The following RNF216 variants were observed in gnomAD, a reference collection of about 807,000 sequenced individuals.
The protein encoded by RNF216 is E3 ubiquitin-protein ligase RNF216.
RNF216 carries 72 observed loss-of-function variants against 110.8 expected under a neutral mutation model. That is an observed-to-expected ratio of 0.65 (90% CI 0.54 to 0.79). RNF216 has a LOEUF of 0.79. RNF216 is among the 30% of genes least tolerant of loss of function. RNF216 has a pLI of 0.00. For missense variants in RNF216, 1,342 were observed against 1,141.2 expected (o/e 1.18, Z -2.54); for synonymous variants, 495 against 407.5 (o/e 1.21, Z -2.59).
intron 1 of RNF216, chr7:5,780,168 GTTTT>G (rs1562489093): frequency 6.6e-6 from 1 of 152,160 alleles, no homozygotes; most frequent in African/African-American, 2.4e-5. Flanking sequence ...CATTTAGATA[GTTTT>G]TAGCATTCCT....
intron 13 of RNF216, among the ~76,000 whole-genome samples, chr7:5,691,258 G>A (rs1791321008): frequency 6.6e-6 from 1 of 152,324 alleles, no homozygotes; most frequent in South Asian, 2.1e-4. Flanking sequence ...CGCCACTCGG[G>A]CCGACGGCAG....
At position 5,726,027 on chromosome 7, in the gene RNF216, A is replaced by G. The variant is rs568195434; in HGVS notation, c.1390-589T>C. 2.6e-3 allele frequency among the ~76,000 whole-genome samples: 401 copies of G among 152,246 alleles called. 1 individual carries two copies. Among genetic ancestry groups the G allele is most frequent in the South Asian group, 9.3e-3 (45 of 4,820 alleles). On this transcript the variant is annotated intron_variant, in intron 7 of 16. Coordinates refer to ENST00000389902, the MANE Select transcript of RNF216 (RefSeq NM_207111.4). ...TGCAGTGGCTCACACCTGTAATCCTAGCACTGTGGGAGGATGACGGGGGTG... is the reference window on the plus strand; with the variant it reads ...TGCAGTGGCTCACACCTGTAATCCTGGCACTGTGGGAGGATGACGGGGGTG...
At chr7:5,657,398 T>C (rs572266748) in intron 13 of RNF216, among the ~76,000 whole-genome samples, 1 of 152,094 alleles carries the variant, frequency 6.6e-6, no homozygotes, top group South Asian at 2.1e-4. Flanking sequence ...AGAAACCCCA[T>C]CTCTACTAAA....
chr7:5,722,060 T>C (rs1285097233), intron 8 of RNF216, among the ~76,000 whole-genome samples: 1 of 152,164 alleles, frequency 6.6e-6, no homozygotes, highest in South Asian at 2.1e-4. Flanking sequence ...GAGCTGGGAC[T>C]ATACAGGCAG....
At chr7:5,655,193 T>C (rs1316765793) in intron 13 of RNF216, among the ~76,000 whole-genome samples, 1 of 152,190 alleles carries the variant, frequency 6.6e-6, no homozygotes, top group East Asian at 1.9e-4. Context: ...GCCAGGTGCA[T>C]GTGAGGGCCA....
At chr7:5,709,241 A>G (rs573790170) in intron 13 of RNF216, among the ~76,000 whole-genome samples, 5 of 152,276 alleles carry the variant, frequency 3.3e-5, no homozygotes, top group Middle Eastern at 3.4e-3. Context: ...CAGCCTCCTG[A>G]AAGGTCTGAA....
intron 13 of RNF216, among the ~76,000 whole-genome samples, chr7:5,660,241 C>A (rs1446853286): frequency 7.5e-6 from 1 of 132,524 alleles, no homozygotes; most frequent in Non-Finnish European, 1.6e-5. Flanking sequence ...ATATGAGCCA[C>A]AGAGCCCGGC....
intron 13 of RNF216, among the ~76,000 whole-genome samples, chr7:5,706,787 C>T (rs139972246): frequency 2.5e-3 from 383 of 152,308 alleles, no homozygotes; most frequent in African/African-American, 8.5e-3. Context: ...TAGTCACTTG[C>T]CTGTTTTTTG....
chr7:5,744,099 A>C (rs1324742129), intron 3 of RNF216, among the ~76,000 whole-genome samples: 1 of 152,264 alleles, frequency 6.6e-6, no homozygotes, highest in Non-Finnish European at 1.5e-5. Flanking sequence ...CAGTGAAATT[A>C]ACAACATGAA....
At chr7:5,760,060 A>G (rs1291639391) in intron 2 of RNF216, among the ~76,000 whole-genome samples, 1 of 152,176 alleles carries the variant, frequency 6.6e-6, no homozygotes, top group East Asian at 1.9e-4. Flanking sequence ...AATTGCAAAA[A>G]ATGAACGTAA....
intron 3 of RNF216, among the ~76,000 whole-genome samples, chr7:5,744,658 A>T (rs1004020600): frequency 6.6e-6 from 1 of 152,130 alleles, no homozygotes; most frequent in Non-Finnish European, 1.5e-5. Context: ...AACAAACAAA[A>T]AACAACCCTC....
intron 1 of RNF216, among the ~76,000 whole-genome samples, chr7:5,778,809 T>C (rs558398385): frequency 1.2e-3 from 188 of 152,350 alleles, no homozygotes; most frequent in African/African-American, 4.2e-3. Context: ...AGTGGCACAA[T>C]CTCGGATCAC....
intron 13 of RNF216, among the ~76,000 whole-genome samples, chr7:5,694,797 C>G (rs1378005819): frequency 6.6e-6 from 1 of 152,174 alleles, no homozygotes; most frequent in Admixed American, 6.5e-5. Flanking sequence ...AATTTTACAG[C>G]CACTCTCTCA....
At chr7:5,754,124 GTGT>G (rs2128665154) in intron 2 of RNF216, among the ~76,000 whole-genome samples, 1 of 24,442 alleles carries the variant, frequency 4.1e-5, no homozygotes, top group Admixed American at 4.1e-4. Context: ...TGTGTGGTGT[GTGT>G]GTGTGTGTGT....
chr7:5,732,778 G>C (rs547178460), intron 5 of RNF216, among the ~76,000 whole-genome samples: 37 of 152,282 alleles, frequency 2.4e-4, no homozygotes, highest in Non-Finnish European at 4.7e-4. Flanking sequence ...ACTTCAATCT[G>C]CCCACCTCTT....
At chr7:5,761,407 G>T (rs750383929) in intron 1 of RNF216, among the ~76,000 whole-genome samples, 17 of 152,194 alleles carry the variant, frequency 1.1e-4, no homozygotes, top group Non-Finnish European at 2.5e-4. Context: ...TGGGCTAAGG[G>T]TATTAACAGG....
chr7:5,695,322 C>A (rs928001019), intron 13 of RNF216, among the ~76,000 whole-genome samples: 2 of 152,206 alleles, frequency 1.3e-5, no homozygotes, highest in Admixed American at 6.5e-5. Context: ...CACATTCACA[C>A]GTCCAGCAGC....
intron 8 of RNF216, among the ~76,000 whole-genome samples, chr7:5,722,841 G>C (rs902085138): frequency 6.7e-6 from 1 of 149,088 alleles, no homozygotes; most frequent in African/African-American, 2.6e-5. Context: ...GTCCAACATG[G>C]TGAAACCCCC....
intron 1 of RNF216, among the ~76,000 whole-genome samples, chr7:5,761,820 T>G (rs1207634987): frequency 6.6e-6 from 1 of 151,120 alleles, no homozygotes; most frequent in African/African-American, 2.4e-5. Flanking sequence ...TTCAAACCAC[T>G]GGGGTGGCAA....
Sources: gnomAD v4.1 joint callset for allele counts (sites outside exome capture counted in the v4.1 genomes callset) on GRCh38, gnomAD v4.1.1 for gene constraint, MANE v1.5 for transcripts, NCBI Gene and HGNC (gene_info 2026-07-23, HGNC 2026-07-21) for gene names.